OR5D3: variants seen among roughly 807,000 people sequenced by gnomAD.
The protein encoded by OR5D3 is olfactory receptor family 5 subfamily D member 3.
At chr11:55,729,153 G>T in the OR5D3 span, 1 of 151,780 alleles carries the variant, frequency 6.6e-6, no homozygotes, top group African/African-American at 2.4e-5. Context: ...TCATAAATGG[G>T]CAGTTTACAC....
the OR5D3 span, among the ~76,000 whole-genome samples, chr11:55,725,173 C>T: frequency 1.3e-5 from 2 of 151,472 alleles, no homozygotes; most frequent in Non-Finnish European, 3.0e-5. Flanking sequence ...ATCTAATATG[C>T]TTTATACTGT....
chr11:55,725,297 C>T, the OR5D3 span, among the ~76,000 whole-genome samples: 1 of 151,968 alleles, frequency 6.6e-6, no homozygotes, highest in African/African-American at 2.4e-5. Flanking sequence ...CTTGTGGCAT[C>T]AAGGCATATT....
At chr11:55,727,953 C>T in the OR5D3 span, 109 of 152,082 alleles carry the variant, frequency 7.2e-4, 2 homozygotes, top group African/African-American at 2.6e-3. Context: ...ATTATTCAAG[C>T]ATTAGTTATG....
At chr11:55,725,186 T>A in the OR5D3 span, among the ~76,000 whole-genome samples, 2 of 152,066 alleles carry the variant, frequency 1.3e-5, no homozygotes, top group African/African-American at 4.8e-5. Context: ...TATACTGTGT[T>A]TTATAACCAC....
chr11:55,726,007 T>C, the OR5D3 span, among the ~76,000 whole-genome samples: 3 of 152,052 alleles, frequency 2.0e-5, no homozygotes, highest in Non-Finnish European at 2.9e-5. Flanking sequence ...TGTTTTTTAT[T>C]ATTCCATTCA....
chr11:55,727,887 C>T, the OR5D3 span: 1 of 151,812 alleles, frequency 6.6e-6, no homozygotes, highest in Non-Finnish European at 1.5e-5. Context: ...ACCAGTTTCC[C>T]CCTAAGATAG....
chr11:55,724,724 G>A, the OR5D3 span, among the ~76,000 whole-genome samples: 1 of 152,158 alleles, frequency 6.6e-6, no homozygotes, highest in East Asian at 1.9e-4. Context: ...TCAGGTTAAA[G>A]TGATTACAGA....
the OR5D3 span, chr11:55,728,515 C>T: frequency 6.6e-6 from 1 of 152,004 alleles, no homozygotes; most frequent in Non-Finnish European, 1.5e-5. Flanking sequence ...TTGCCTTAAC[C>T]AAATGGCTGG....
chr11:55,726,347 T>G, the OR5D3 span: 41 of 463,574 alleles, frequency 8.8e-5, no homozygotes, highest in East Asian at 1.3e-3. Context: ...AATCTGGGCA[T>G]GATCATGGTC....
At chr11:55,727,176 A>T in the OR5D3 span, 1 of 398,330 alleles carries the variant, frequency 2.5e-6, no homozygotes, top group Non-Finnish European at 4.4e-6. Context: ...AATATTAATT[A>T]TTTATCCTTG....
chr11:55,726,160 A>C, the OR5D3 span: 1 of 398,094 alleles, frequency 2.5e-6, no homozygotes, highest in Non-Finnish European at 4.4e-6. Context: ...TCTGTTTCTT[A>C]TTGCACATAT....
the OR5D3 span, among the ~76,000 whole-genome samples, chr11:55,724,312 C>A: frequency 3.8e-3 from 575 of 152,052 alleles, 7 homozygotes; most frequent in African/African-American, 0.014. Context: ...AAGAATAAAG[C>A]AAAATTGGCC....
the OR5D3 span, among the ~76,000 whole-genome samples, chr11:55,725,836 C>A: frequency 6.6e-6 from 1 of 151,972 alleles, no homozygotes; most frequent in Non-Finnish European, 1.5e-5. Context: ...AGAGGTACAG[C>A]AGGAATGAAA....
the OR5D3 span, chr11:55,729,452 C>T: frequency 2.6e-5 from 4 of 151,902 alleles, no homozygotes; most frequent in Non-Finnish European, 4.4e-5. Context: ...TAGTTTAATG[C>T]TCACTTCTTA....
the OR5D3 span, among the ~76,000 whole-genome samples, chr11:55,724,979 A>G: frequency 1.3e-5 from 2 of 152,018 alleles, no homozygotes; most frequent in East Asian, 1.9e-4. Flanking sequence ...GACTTAGACT[A>G]AAGCCACAAA....
the OR5D3 span, chr11:55,728,279 A>T: frequency 6.6e-6 from 1 of 152,008 alleles, no homozygotes; most frequent in Admixed American, 6.6e-5. Flanking sequence ...CCAAGCCCCA[A>T]AGCAAGAGTT....
At chr11:55,728,530 G>C in the OR5D3 span, 1 of 152,066 alleles carries the variant, frequency 6.6e-6, no homozygotes, top group Non-Finnish European at 1.5e-5. Flanking sequence ...GGCTGGTTGA[G>C]ATTAAGTATA....
chr11:55,724,145 T>C, the OR5D3 span: 2 of 390,770 alleles, frequency 5.1e-6, no homozygotes, highest in Non-Finnish European at 9.0e-6. Flanking sequence ...ACGTGTAGGT[T>C]GAAGTGCCCT....
At chr11:55,724,769 A>G in the OR5D3 span, among the ~76,000 whole-genome samples, 1 of 152,176 alleles carries the variant, frequency 6.6e-6, no homozygotes, top group African/African-American at 2.4e-5. Flanking sequence ...GGACATTTCA[A>G]ATTGAGGAGA....
Sources: allele counts gnomAD v4.1 joint callset (sites outside exome capture counted in the v4.1 genomes callset), GRCh38; gene constraint gnomAD v4.1.1; transcripts MANE v1.5; gene names NCBI Gene and HGNC (gene_info 2026-07-23, HGNC 2026-07-21).